ZRANB1: variants seen among roughly 807,000 people sequenced by gnomAD.
The protein encoded by ZRANB1 is zinc finger RANBP2-type containing 1.
ZRANB1 carries 16 observed loss-of-function variants against 80.5 expected under a neutral mutation model. The ratio of observed to expected loss-of-function variants is 0.20; its 90% CI spans 0.13 to 0.30. The LOEUF is 0.30. Among genes scored for constraint, ZRANB1 ranks in the 10% least tolerant of loss-of-function variants. ZRANB1 has a pLI of 1.00. For synonymous variants in ZRANB1, 291 were observed against 293.1 expected (o/e 0.99, Z 0.07); for missense variants, 576 against 862.6 (o/e 0.67, Z 4.16).
the ZRANB1 span, among the ~76,000 whole-genome samples, chr10:124,935,892 A>G: frequency 6.6e-6 from 1 of 152,226 alleles, no homozygotes; most frequent in Non-Finnish European, 1.5e-5. Flanking sequence ...TGTGAGTGAC[A>G]TAGGAAAAAC....
chr10:124,917,867 GT>G, the ZRANB1 span, among the ~76,000 whole-genome samples: 2 of 152,100 alleles, frequency 1.3e-5, no homozygotes, highest in African/African-American at 4.8e-5. Flanking sequence ...GCAAGGATCT[GT>G]TTTTTCTCTG....
chr10:124,972,941 C>T (rs909143013), intron 3 of ZRANB1, among the ~76,000 whole-genome samples: 15 of 151,958 alleles, frequency 9.9e-5, no homozygotes, highest in Admixed American at 8.5e-4. Context: ...CCACCCCTGG[C>T]TAATTTTTAA....
the ZRANB1 span, among the ~76,000 whole-genome samples, chr10:124,936,850 C>T: frequency 6.6e-6 from 1 of 152,104 alleles, no homozygotes; most frequent in African/African-American, 2.4e-5. Flanking sequence ...GTTCTCTGAG[C>T]ATTTGTAAAT....
chr10:124,931,805 TAAC>T, the ZRANB1 span, among the ~76,000 whole-genome samples: 1 of 152,180 alleles, frequency 6.6e-6, no homozygotes, highest in Admixed American at 6.5e-5. Context: ...GTATATTTGT[TAAC>T]AATTAATGAA....
chr10:124,927,365 A>G, the ZRANB1 span, among the ~76,000 whole-genome samples: 1 of 152,246 alleles, frequency 6.6e-6, no homozygotes, highest in Non-Finnish European at 1.5e-5. Flanking sequence ...AGTGTTGCAC[A>G]GTAAAAGTTG....
chr10:124,953,980 T>C (rs1033276079), intron 1 of ZRANB1, among the ~76,000 whole-genome samples: 1 of 151,886 alleles, frequency 6.6e-6, no homozygotes, highest in South Asian at 2.1e-4. Context: ...TTCTTTTTTT[T>C]CTGGAGACAG....
At chr10:124,984,210 G>A (rs6597869) in intron 8 of ZRANB1, 134,695 of 155,364 alleles carry the variant, frequency 0.87, 58,592 homozygotes, top group East Asian at 0.97. Flanking sequence ...CATGGCAGGA[G>A]CAGGAACACC....
At chr10:124,922,072 G>A in the ZRANB1 span, among the ~76,000 whole-genome samples, 1 of 151,528 alleles carries the variant, frequency 6.6e-6, no homozygotes, top group South Asian at 2.1e-4. Context: ...CTCCCAAGTA[G>A]CTGGAACTAT....
chr10:124,969,502 G>A (rs1413156937), intron 2 of ZRANB1, among the ~76,000 whole-genome samples: 2 of 152,164 alleles, frequency 1.3e-5, no homozygotes, highest in African/African-American at 4.8e-5. Flanking sequence ...GAACATTAGA[G>A]TTGGGGATAT....
At chr10:124,920,929 A>G in the ZRANB1 span, among the ~76,000 whole-genome samples, 1 of 152,122 alleles carries the variant, frequency 6.6e-6, no homozygotes, top group Non-Finnish European at 1.5e-5. Flanking sequence ...ATTTTTGGTT[A>G]TAGAGGTATT....
chr10:124,924,600 C>T, the ZRANB1 span, among the ~76,000 whole-genome samples: 1 of 152,072 alleles, frequency 6.6e-6, no homozygotes, highest in Non-Finnish European at 1.5e-5. Flanking sequence ...TGGCTTTTTT[C>T]TCTTATAATA....
the ZRANB1 span, among the ~76,000 whole-genome samples, chr10:124,926,647 G>T: frequency 6.6e-6 from 1 of 152,064 alleles, no homozygotes; most frequent in African/African-American, 2.4e-5. Context: ...AAGGAAGTAG[G>T]AGTAACATTG....
chr10:124,973,102 G>A (rs1951840545), intron 3 of ZRANB1, among the ~76,000 whole-genome samples: 1 of 152,130 alleles, frequency 6.6e-6, no homozygotes, highest in Non-Finnish European at 1.5e-5. Context: ...AAATGCACTT[G>A]TTCTGAGTAT....
upstream of ZRANB1, among the ~76,000 whole-genome samples, chr10:124,939,851 T>G (rs191058502): frequency 6.6e-6 from 1 of 152,196 alleles, no homozygotes; most frequent in African/African-American, 2.4e-5. Context: ...TCTGGATGGT[T>G]ATATCATTAT....
intron 1 of ZRANB1, among the ~76,000 whole-genome samples, chr10:124,965,928 T>G (rs886743038): frequency 2.0e-4 from 30 of 152,184 alleles, no homozygotes; most frequent in African/African-American, 7.0e-4. Flanking sequence ...TCCCCCCTAC[T>G]CTAACTGGAT....
chr10:124,958,776 C>G (rs1236297631), intron 1 of ZRANB1, among the ~76,000 whole-genome samples: 1 of 152,124 alleles, frequency 6.6e-6, no homozygotes, highest in Non-Finnish European at 1.5e-5. Context: ...TTTTATTAAT[C>G]ATTTGTATTT....
intron 3 of ZRANB1, among the ~76,000 whole-genome samples, chr10:124,973,252 C>T (rs565344907): frequency 6.6e-6 from 1 of 152,136 alleles, no homozygotes; most frequent in Non-Finnish European, 1.5e-5. Context: ...TCCCCAGGCT[C>T]AAACAGTTCT....
At chr10:124,949,523 A>ATTTT (rs1554936765) in intron 1 of ZRANB1, among the ~76,000 whole-genome samples, 1 of 116,856 alleles carries the variant, frequency 8.6e-6, no homozygotes, top group Non-Finnish European at 1.6e-5. Flanking sequence ...ACACACACAC[A>ATTTT]TTTTTTTTTT....
intron 1 of ZRANB1, among the ~76,000 whole-genome samples, chr10:124,966,377 G>A (rs546591538): frequency 6.6e-6 from 1 of 152,142 alleles, no homozygotes; most frequent in East Asian, 1.9e-4. Flanking sequence ...TGCACTGATG[G>A]TAAGGTAAAT....
Sources: allele counts gnomAD v4.1 joint callset (sites outside exome capture counted in the v4.1 genomes callset), GRCh38; gene constraint gnomAD v4.1.1; transcripts MANE v1.5; gene names NCBI Gene and HGNC (gene_info 2026-07-23, HGNC 2026-07-21).